Variants in SLC30A8 observed in about 807,000 individuals in gnomAD.
SLC30A8 encodes proton-coupled zinc antiporter SLC30A8.
SLC30A8 carries 27 observed loss-of-function variants against 36.9 expected under a neutral mutation model. That is an observed-to-expected ratio of 0.73 (90% CI 0.54 to 1.01). The LOEUF (loss-of-function observed/expected upper bound fraction) is 1.01. SLC30A8 is among the 50% of genes least tolerant of loss of function. SLC30A8 has a pLI of 0.00. For synonymous variants in SLC30A8, 164 were observed against 172.4 expected, an observed-to-expected ratio of 0.95 and a Z score of 0.38; for missense variants, 439 against 452.0, an observed-to-expected ratio of 0.97 and a Z score of 0.26.
intron 1 of SLC30A8, among the ~76,000 whole-genome samples, chr8:116,961,193 G>T (rs920318230): frequency 6.6e-6 from 1 of 152,312 alleles, no homozygotes; most frequent in South Asian, 2.1e-4. Context: ...ACTTTGGGAG[G>T]CCGAGGTGGT....
rs972678661 is a variant in SLC30A8, at chr8:117,108,560, G to A, written c.-225-26720G>A. Among the ~76,000 whole-genome samples, 8 of 152,134 alleles carry A rather than the reference G, an allele frequency of 5.3e-5. No homozygotes were observed. In the South Asian group the frequency reaches 6.2e-4, roughly 12 times the overall value. On this transcript the variant is annotated intron_variant, in intron 2 of 10. Transcript: ENST00000427715. ...TCTCACTGTCTCAGATTCTTATAAC[G>A]ATCCTAAAAAAAGATGAGAAAACCA... is the stretch of plus-strand genomic sequence containing the variant.
chr8:117,000,787 T>C (rs1401952726), intron 1 of SLC30A8, among the ~76,000 whole-genome samples: 2 of 152,204 alleles, frequency 1.3e-5, no homozygotes, highest in Non-Finnish European at 2.9e-5. Context: ...TTGACGTTAC[T>C]ACACGGTGGC....
At chr8:117,158,989 C>G (rs1586603837) in intron 4 of SLC30A8, among the ~76,000 whole-genome samples, 1 of 152,236 alleles carries the variant, frequency 6.6e-6, no homozygotes, top group South Asian at 2.1e-4. Flanking sequence ...GACAAGCGTC[C>G]TTATAAGAGG....
chr8:117,100,592 A>C (rs1309018415), intron 2 of SLC30A8, among the ~76,000 whole-genome samples: 1 of 152,202 alleles, frequency 6.6e-6, no homozygotes, highest in Non-Finnish European at 1.5e-5. Context: ...TACTGGAGGC[A>C]CTTGCAGGTC....
chr8:116,952,108 G>A (rs1814014425), intron 1 of SLC30A8, among the ~76,000 whole-genome samples: 1 of 152,112 alleles, frequency 6.6e-6, no homozygotes, highest in South Asian at 2.1e-4. Context: ...ACAGCTCATA[G>A]AAGGTGCTAG....
chr8:116,985,241 C>G (rs918764799), intron 1 of SLC30A8, among the ~76,000 whole-genome samples: 4 of 151,234 alleles, frequency 2.6e-5, no homozygotes, highest in Non-Finnish European at 5.9e-5. Context: ...TTTCTTGTAT[C>G]TCTTTCTAGA....
chr8:117,149,953 C>T (rs897030030), intron 2 of SLC30A8, among the ~76,000 whole-genome samples: 34 of 152,132 alleles, frequency 2.2e-4, no homozygotes, highest in Admixed American at 1.1e-3. Flanking sequence ...CATGTAGACA[C>T]GCCAGTGAAC....
rs1005125943 is a variant in SLC30A8 at position 117,010,453 on chromosome 8, A to G, written c.-265-28766A>G. 3.3e-5 allele frequency among the ~76,000 whole-genome samples: 5 copies of G among 152,228 alleles called. No homozygotes were observed. The East Asian group carries it at 9.6e-4, about 29-fold the overall frequency. On this transcript the variant is annotated intron_variant, in intron 1 of 10. Coordinates refer to the SLC30A8 transcript ENST00000427715. ...ATTTAAACCTCTGAGATTACCTCAC[A>G]GGATGTTGAAAGTTCAATGAGTTTT...
chr8:117,014,092 C>T lies in SLC30A8; in HGVS notation c.-265-25127C>T, dbSNP rs750898276. Among the ~76,000 whole-genome samples, 8 of 152,024 alleles carry T rather than the reference C, an allele frequency of 5.3e-5. 1 individual carries two copies. Among genetic ancestry groups the T allele is most frequent in the Non-Finnish European group, 1.0e-4 (7 of 67,998 alleles). ...GTGCAATAGTATTTGCAGTTTTTGCCACTGCGTTTAATGGCAAAACCGCAA... is the reference window on the plus strand; with the variant it reads ...GTGCAATAGTATTTGCAGTTTTTGCTACTGCGTTTAATGGCAAAACCGCAA... On this transcript the variant is annotated intron_variant, in intron 1 of 10. Coordinates refer to the SLC30A8 transcript ENST00000427715.
chr8:117,044,055 T>C (rs181025806), intron 2 of SLC30A8, among the ~76,000 whole-genome samples: 43 of 152,308 alleles, frequency 2.8e-4, no homozygotes, highest in African/African-American at 1.0e-3. Flanking sequence ...AAGCGTAGGA[T>C]GTGATGTGAG....
intron 2 of SLC30A8, among the ~76,000 whole-genome samples, chr8:117,110,934 T>C (rs111978142): frequency 5.9e-5 from 9 of 152,146 alleles, no homozygotes; most frequent in African/African-American, 2.2e-4. Flanking sequence ...CAGGAAAGCA[T>C]TAATTGTAGG....
chr8:117,106,916 A>T (rs1412255906), intron 2 of SLC30A8, among the ~76,000 whole-genome samples: 1 of 152,154 alleles, frequency 6.6e-6, no homozygotes, highest in Non-Finnish European at 1.5e-5. Flanking sequence ...CATATGCTTT[A>T]TTGGAGAAGG....
At chr8:117,102,990 TAACATCCCCA>T (rs1376948675) in intron 2 of SLC30A8, among the ~76,000 whole-genome samples, 1 of 152,086 alleles carries the variant, frequency 6.6e-6, no homozygotes, top group Non-Finnish European at 1.5e-5. Context: ...CCCTCCATCC[TAACATCCCCA>T]AAAGTCTTGA....
At chr8:116,981,265 A>G (rs971792553) in intron 1 of SLC30A8, among the ~76,000 whole-genome samples, 1 of 152,212 alleles carries the variant, frequency 6.6e-6, no homozygotes, top group Admixed American at 6.5e-5. Context: ...GGTGCTCTAG[A>G]GAACCAGGTG....
chr8:117,027,072 A>G (rs1816898325), intron 1 of SLC30A8, among the ~76,000 whole-genome samples: 1 of 152,110 alleles, frequency 6.6e-6, no homozygotes, highest in Non-Finnish European at 1.5e-5. Context: ...ACTGAGTAGC[A>G]CTCATAGTGG....
At chr8:117,077,910 C>G (rs1818540336) in intron 2 of SLC30A8, among the ~76,000 whole-genome samples, 1 of 152,158 alleles carries the variant, frequency 6.6e-6, no homozygotes, top group Admixed American at 6.5e-5. Flanking sequence ...TTAGAAAATA[C>G]TTTATTATCA....
chr8:117,094,305 G>A (rs1416859443), intron 2 of SLC30A8, among the ~76,000 whole-genome samples: 1 of 152,240 alleles, frequency 6.6e-6, no homozygotes. Flanking sequence ...ACAGACAAGT[G>A]GAGGGTGAGC....
chr8:117,071,662 T>G (rs1157193439), intron 2 of SLC30A8, among the ~76,000 whole-genome samples: 2 of 152,212 alleles, frequency 1.3e-5, no homozygotes, highest in African/African-American at 4.8e-5. Context: ...TGTTTTCTTC[T>G]TGTAGTTTTA....
intron 2 of SLC30A8, among the ~76,000 whole-genome samples, chr8:117,104,820 T>C (rs1199889449): frequency 6.6e-6 from 1 of 152,164 alleles, no homozygotes; most frequent in Non-Finnish European, 1.5e-5. Flanking sequence ...TGCTAAACAA[T>C]GTGTGGACTC....
Sources: gnomAD v4.1 joint callset for allele counts (sites outside exome capture counted in the v4.1 genomes callset) on GRCh38, gnomAD v4.1.1 for gene constraint, MANE v1.5 for transcripts, NCBI Gene and HGNC (gene_info 2026-07-23, HGNC 2026-07-21) for gene names.